The following DAB1 variants were observed in gnomAD, a reference collection of about 807,000 sequenced individuals.
The protein encoded by DAB1 is disabled homolog 1.
In DAB1, 15 loss-of-function variants were observed where a neutral mutation model predicts 64.6. That is an observed-to-expected ratio of 0.23 (90% confidence interval 0.16 to 0.36). The LOEUF (loss-of-function observed/expected upper bound fraction) is 0.36. Ranked by LOEUF, DAB1 falls within the 10% of genes least tolerant of loss-of-function variation. DAB1 has a pLI of 1.00. For missense variants in DAB1, 596 were observed against 706.7 expected (o/e 0.84, Z 1.78); for synonymous variants, 235 against 251.9 (o/e 0.93, Z 0.64).
chr1:57,949,534 T>TGTCTGTCC (rs1645238294), intron 5 of DAB1, among the ~76,000 whole-genome samples: 1 of 143,646 alleles, frequency 7.0e-6, no homozygotes, highest in Non-Finnish European at 1.5e-5. Flanking sequence ...TCTGTCTGTC[T>TGTCTGTCC]ATCTATCATC....
intron 3 of DAB1, among the ~76,000 whole-genome samples, chr1:58,469,401 T>TAA (rs145695070): frequency 9.8e-4 from 146 of 148,968 alleles, no homozygotes; most frequent in Middle Eastern, 6.8e-3. Flanking sequence ...GTAGGTGCTT[T>TAA]AAAAAAAAAA....
At chr1:58,030,010 A>C (rs1286536712) in intron 5 of DAB1, among the ~76,000 whole-genome samples, 2 of 152,144 alleles carry the variant, frequency 1.3e-5, no homozygotes, top group East Asian at 3.9e-4. Flanking sequence ...GTTCGAGACC[A>C]ACCTGGCCAA....
intron 4 of DAB1, among the ~76,000 whole-genome samples, chr1:58,250,991 G>C (rs762293256): frequency 1.3e-5 from 2 of 152,186 alleles, no homozygotes; most frequent in East Asian, 1.9e-4. Flanking sequence ...CAAGTGTGTC[G>C]GCACTGAAGC....
At chr1:57,323,490 A>G (rs149036690) in intron 1 of DAB1, among the ~76,000 whole-genome samples, 1 of 152,182 alleles carries the variant, frequency 6.6e-6, no homozygotes, top group Non-Finnish European at 1.5e-5. Flanking sequence ...TTCCCCATAG[A>G]TTCCATCACT....
chr1:57,660,334 ACT>A (rs1330031295), intron 6 of DAB1, among the ~76,000 whole-genome samples: 1 of 152,050 alleles, frequency 6.6e-6, no homozygotes, highest in Admixed American at 6.5e-5. Context: ...TAGGTTTTCT[ACT>A]CTTAGTCAAA....
At chr1:58,401,916 A>T (rs543732313) in intron 3 of DAB1, among the ~76,000 whole-genome samples, 1 of 152,312 alleles carries the variant, frequency 6.6e-6, no homozygotes, top group South Asian at 2.1e-4. Context: ...TTGTGTGGAC[A>T]TATAAGGTGC....
At chr1:57,053,688 ATT>A (rs61374333) in intron 9 of DAB1, among the ~76,000 whole-genome samples, 189 of 71,396 alleles carry the variant, frequency 2.6e-3, no homozygotes, top group Non-Finnish European at 3.4e-3. Context: ...ATATATATAT[ATT>A]TTTTTTTTTT....
At chr1:58,164,641 T>C (rs376862679) in intron 4 of DAB1, among the ~76,000 whole-genome samples, 5 of 152,344 alleles carry the variant, frequency 3.3e-5, no homozygotes, top group African/African-American at 1.2e-4. Flanking sequence ...GCACACATGA[T>C]AACACATTAC....
chr1:58,201,953 A>T (rs1658021809), intron 4 of DAB1, among the ~76,000 whole-genome samples: 1 of 152,066 alleles, frequency 6.6e-6, no homozygotes, highest in African/African-American at 2.4e-5. Flanking sequence ...CATCCAACCT[A>T]CCTAATTCTG....
chr1:57,969,000 A>G (rs982029763), intron 5 of DAB1, among the ~76,000 whole-genome samples: 2 of 152,214 alleles, frequency 1.3e-5, no homozygotes, highest in East Asian at 3.9e-4. Context: ...ACTAATATGT[A>G]TAAGTTCTTA....
intron 6 of DAB1, among the ~76,000 whole-genome samples, chr1:57,760,620 TCA>T (rs60457752): frequency 0.094 from 13,192 of 140,262 alleles, 1,590 homozygotes; most frequent in East Asian, 0.28. Context: ...TCTCTCTCTC[TCA>T]CACACACACA....
rs1266211290 is a variant in DAB1 at position 57,290,833 on chromosome 1, C to T, written c.67+131G>A. On this transcript the variant is annotated intron_variant, in intron 2 of 14. Coordinates refer to ENST00000371236, the MANE Select transcript of DAB1 (RefSeq NM_001365792.1). ...CCATTACATTATTATATTATTAACA[C>T]AAAACACACAAAATAACTATTTAAA... The T allele has an allele frequency of 3.7e-5, 21 of 565,172 alleles. No homozygotes were observed. The East Asian group carries it at 6.5e-4, about 18-fold the overall frequency. The allele number at this position is 565,172 out of a possible 1,614,324, so 35.0% of individuals were successfully genotyped here. A position where few individuals can be genotyped will look rare whatever the true frequency, so the allele number is the denominator to read the frequency against.
At chr1:57,640,122 G>A (rs1366593627) in intron 7 of DAB1, among the ~76,000 whole-genome samples, 2 of 152,128 alleles carry the variant, frequency 1.3e-5, no homozygotes, top group African/African-American at 4.8e-5. Context: ...GTGTATTACA[G>A]GTTTGCTCTC....
intron 6 of DAB1, among the ~76,000 whole-genome samples, chr1:57,764,780 A>G (rs1019465568): frequency 6.6e-6 from 1 of 152,210 alleles, no homozygotes; most frequent in African/African-American, 2.4e-5. Context: ...AAAGTAATAG[A>G]AGATTTACAA....
At chr1:57,223,768 G>A (rs1452537573) in intron 2 of DAB1, among the ~76,000 whole-genome samples, 3 of 152,144 alleles carry the variant, frequency 2.0e-5, no homozygotes, top group Non-Finnish European at 4.4e-5. Flanking sequence ...AAACTCAGGT[G>A]GTCAATATGC....
At chr1:58,026,543 T>C (rs958302003) in intron 5 of DAB1, among the ~76,000 whole-genome samples, 4 of 152,154 alleles carry the variant, frequency 2.6e-5, no homozygotes, top group Non-Finnish European at 5.9e-5. Flanking sequence ...TTATTGGTGC[T>C]CCCTTATTAT....
chr1:57,605,100 G>A (rs1645620678), intron 7 of DAB1, among the ~76,000 whole-genome samples: 1 of 151,938 alleles, frequency 6.6e-6, no homozygotes, highest in Non-Finnish European at 1.5e-5. Flanking sequence ...ATGATGTTTG[G>A]AAGAAGAACT....
chr1:57,808,368 G>T (rs1195358387), intron 6 of DAB1, among the ~76,000 whole-genome samples: 1 of 152,110 alleles, frequency 6.6e-6, no homozygotes, highest in Non-Finnish European at 1.5e-5. Context: ...AGAGCACTCG[G>T]TACCCTGTAT....
chr1:58,370,136 A>G (rs1363941650), intron 3 of DAB1, among the ~76,000 whole-genome samples: 2 of 152,182 alleles, frequency 1.3e-5, no homozygotes, highest in Non-Finnish European at 2.9e-5. Flanking sequence ...AAAAGCAAAA[A>G]CTAGGAGCAC....
Sources: gnomAD v4.1 joint callset for allele counts (sites outside exome capture counted in the v4.1 genomes callset) on GRCh38, gnomAD v4.1.1 for gene constraint, MANE v1.5 for transcripts, NCBI Gene and HGNC (gene_info 2026-07-23, HGNC 2026-07-21) for gene names.